Variants in LYPD6 observed in about 807,000 individuals in gnomAD.
LYPD6 encodes the protein ly6/PLAUR domain-containing protein 6.
A neutral mutation model predicts 22.7 loss-of-function variants in LYPD6; 15 were observed. The ratio of observed to expected loss-of-function variants is 0.66; its 90% confidence interval spans 0.44 to 1.02. The LOEUF (loss-of-function observed/expected upper bound fraction) is 1.02. Among genes scored for constraint, LYPD6 ranks in the 50% least tolerant of loss-of-function variants. LYPD6 has a pLI of 0.00. For synonymous variants in LYPD6, 72 were observed against 77.5 expected, an observed-to-expected ratio of 0.93 and a Z score of 0.37; for missense variants, 189 against 208.4, an observed-to-expected ratio of 0.91 and a Z score of 0.57.
chr2:149,433,603 G>A (rs1683364642), intron 1 of LYPD6, among the ~76,000 whole-genome samples: 1 of 152,120 alleles, frequency 6.6e-6, no homozygotes, highest in African/African-American at 2.4e-5. Flanking sequence ...GCCATTTGGG[G>A]TTTTTGGCCA....
intron 2 of LYPD6, among the ~76,000 whole-genome samples, chr2:149,444,993 C>A (rs114305930): frequency 0.011 from 1,733 of 152,254 alleles, 19 homozygotes; most frequent in Non-Finnish European, 0.012. Context: ...TATAGGCTTA[C>A]AAATATATTT....
At chr2:149,399,499 T>C (rs1682504367) in intron 1 of LYPD6, among the ~76,000 whole-genome samples, 2 of 152,042 alleles carry the variant, frequency 1.3e-5, no homozygotes, top group African/African-American at 2.4e-5. Context: ...TTTAAACATA[T>C]TATATTTGGG....
At chr2:149,374,669 G>A (rs1681878637) in intron 1 of LYPD6, among the ~76,000 whole-genome samples, 1 of 152,108 alleles carries the variant, frequency 6.6e-6, no homozygotes, top group Admixed American at 6.5e-5. Context: ...CCTGAGAATC[G>A]GAAAGTCCAG....
At chr2:149,444,503 C>CA (rs1683639262) in intron 2 of LYPD6, among the ~76,000 whole-genome samples, 1 of 152,228 alleles carries the variant, frequency 6.6e-6, no homozygotes, top group Non-Finnish European at 1.5e-5. Context: ...GCATTCTACT[C>CA]ACAGCAGAAC....
intron 1 of LYPD6, among the ~76,000 whole-genome samples, chr2:149,359,280 T>G (rs1469697456): frequency 6.6e-6 from 1 of 152,200 alleles, no homozygotes; most frequent in Non-Finnish European, 1.5e-5. Context: ...TCCAGGCTAA[T>G]GGGAGAAGCA....
At chr2:149,422,162 T>C (rs1458236509) in intron 1 of LYPD6, among the ~76,000 whole-genome samples, 2 of 152,202 alleles carry the variant, frequency 1.3e-5, no homozygotes, top group African/African-American at 4.8e-5. Context: ...CTATGTTAGC[T>C]AGCAAGCATG....
intron 1 of LYPD6, among the ~76,000 whole-genome samples, chr2:149,337,741 T>C (rs1047335691): frequency 2.6e-5 from 4 of 152,162 alleles, no homozygotes; most frequent in Non-Finnish European, 5.9e-5. Flanking sequence ...ACCCAGGAAA[T>C]AAGCATAGTT....
downstream of LYPD6, among the ~76,000 whole-genome samples, chr2:149,476,064 AAAG>A (rs1169834119): frequency 6.6e-6 from 1 of 152,166 alleles, no homozygotes; most frequent in Non-Finnish European, 1.5e-5. Context: ...ACAGGAGAGA[AAAG>A]AACCCTGGAG....
chr2:149,344,487 C>T (rs1362971414), intron 1 of LYPD6, among the ~76,000 whole-genome samples: 1 of 152,048 alleles, frequency 6.6e-6, no homozygotes, highest in Non-Finnish European at 1.5e-5. Flanking sequence ...TTACAAAAGA[C>T]CCAGGTTTTA....
chr2:149,443,886 A>G (rs1238212421), intron 2 of LYPD6, among the ~76,000 whole-genome samples: 3 of 150,168 alleles, frequency 2.0e-5, no homozygotes, highest in African/African-American at 7.4e-5. Context: ...ACCATAGTTT[A>G]TTAAGTGTGG....
chr2:149,452,798 T>G (rs756465494), intron 3 of LYPD6, among the ~76,000 whole-genome samples: 2 of 152,226 alleles, frequency 1.3e-5, no homozygotes, highest in Non-Finnish European at 2.9e-5. Context: ...CAGACTTGTT[T>G]TGAGTTATTG....
chr2:149,454,264 G>A (rs1680902733), intron 3 of LYPD6, among the ~76,000 whole-genome samples: 1 of 152,178 alleles, frequency 6.6e-6, no homozygotes, highest in Admixed American at 6.5e-5. Flanking sequence ...CCCATATGAA[G>A]CAATAGAACC....
chr2:149,421,594 A>G (rs960754141), intron 1 of LYPD6, among the ~76,000 whole-genome samples: 6 of 152,094 alleles, frequency 3.9e-5, no homozygotes, highest in Non-Finnish European at 4.4e-5. Flanking sequence ...GATAGTGGCA[A>G]TCTAATACTA....
chr2:149,366,801 A>G (rs546218286), intron 1 of LYPD6, among the ~76,000 whole-genome samples: 2 of 152,348 alleles, frequency 1.3e-5, no homozygotes, highest in South Asian at 4.1e-4. Flanking sequence ...AGTAAGATTT[A>G]AAAGTTAAAT....
At chr2:149,425,713 A>G in intron 1 of LYPD6, among the ~76,000 whole-genome samples, 1 of 152,248 alleles carries the variant, frequency 6.6e-6, no homozygotes, top group East Asian at 1.9e-4. Flanking sequence ...ATGGTGCATT[A>G]AAAGGAAGAA....
chr2:149,358,578 C>T (rs1361406456), intron 1 of LYPD6, among the ~76,000 whole-genome samples: 1 of 151,968 alleles, frequency 6.6e-6, no homozygotes, highest in Non-Finnish European at 1.5e-5. Context: ...AATTTAGAGT[C>T]AATGTGTAAG....
chr2:149,338,350 A>C (rs909526354), intron 1 of LYPD6, among the ~76,000 whole-genome samples: 1 of 152,206 alleles, frequency 6.6e-6, no homozygotes, highest in Admixed American at 6.5e-5. Context: ...GATAAGCTAG[A>C]ATCTTTTAAA....
intron 1 of LYPD6, among the ~76,000 whole-genome samples, chr2:149,369,839 A>C (rs1212483496): frequency 1.3e-5 from 2 of 152,156 alleles, no homozygotes; most frequent in Non-Finnish European, 2.9e-5. Flanking sequence ...GTTGGTTTTC[A>C]TTTAGACGGG....
intron 1 of LYPD6, among the ~76,000 whole-genome samples, chr2:149,429,955 G>A (rs535489585): frequency 1.3e-5 from 2 of 152,258 alleles, no homozygotes; most frequent in Admixed American, 6.5e-5. Context: ...GTTGCATCAT[G>A]CTCTATGACC....
Sources: gnomAD v4.1 joint callset for allele counts (sites outside exome capture counted in the v4.1 genomes callset) on GRCh38, gnomAD v4.1.1 for gene constraint, MANE v1.5 for transcripts, NCBI Gene and HGNC (gene_info 2026-07-23, HGNC 2026-07-21) for gene names.